Variants in ARNT2 observed in about 807,000 individuals in gnomAD.
ARNT2 encodes the protein aryl hydrocarbon receptor nuclear translocator 2, also known as ARNT protein 2.
A neutral mutation model predicts 91.7 loss-of-function variants in ARNT2; 36 were observed. The observed-to-expected ratio is 0.39, with a 90% confidence interval of 0.30 to 0.52. The LOEUF (loss-of-function observed/expected upper bound fraction) is 0.52. Ranked by LOEUF, ARNT2 falls within the 20% of genes least tolerant of loss-of-function variation. ARNT2 has a pLI of 0.72. For missense variants in ARNT2, 775 were observed against 939.3 expected (o/e 0.83, Z 2.29); for synonymous variants, 365 against 347.1 (o/e 1.05, Z -0.57).
chr15:80,446,177 G>A (rs973256987), intron 1 of ARNT2, among the ~76,000 whole-genome samples: 4 of 152,006 alleles, frequency 2.6e-5, no homozygotes, highest in African/African-American at 9.7e-5. Flanking sequence ...TTTGCTCAAG[G>A]GTTATATAAA....
chr15:80,555,201 G>C, intron 11 of ARNT2, 62 bp downstream of exon 11: 1 of 1,560,156 alleles, frequency 6.4e-7, no homozygotes, highest in Non-Finnish European at 8.8e-7. Context: ...GGATGTGGCT[G>C]GCAGGACATT....
chr15:80,587,048 A>T (rs1405024324), intron 17 of ARNT2, among the ~76,000 whole-genome samples: 1 of 152,156 alleles, frequency 6.6e-6, no homozygotes, highest in East Asian at 1.9e-4. Flanking sequence ...TTACCAGTGA[A>T]TTATGGGGAA....
Position 80,575,119 on chromosome 15 carries a change from C to T in ARNT2, c.1513+9C>T. On this transcript the variant is annotated intron_variant, in intron 14 of 18. Coordinates refer to ENST00000303329, the MANE Select transcript of ARNT2 (RefSeq NM_014862.4). ...TGCAGGAATTAGTGCATGTAAGTTTCCAAATGGTACTGAGGTTTTGAGAGT... is the reference window on the plus strand; with the variant it reads ...TGCAGGAATTAGTGCATGTAAGTTTTCAAATGGTACTGAGGTTTTGAGAGT... The T allele has an allele frequency of 6.2e-7, 1 of 1,613,896 alleles. No individual in the cohort carries two copies. The highest frequency in any genetic ancestry group is 1.1e-5 in the South Asian group (1 of 91,044).
In ARNT2 at chr15:80,563,348, G is replaced by A. The variant is rs1416331155; in HGVS notation, c.1316+109G>A. The A allele has an allele frequency of 3.6e-6, 5 of 1,387,414 alleles. No individual in the cohort carries two copies. The East Asian group carries it at 9.2e-5, about 25-fold the overall frequency. 85.9% of individuals were successfully genotyped at this position (1,387,414 alleles called of 1,614,324 possible). On this transcript the variant is annotated intron_variant, in intron 12 of 18. Coordinates refer to ENST00000303329, the MANE Select transcript of ARNT2 (RefSeq NM_014862.4). ...CTCCCTGCCGGCTCTCCCTGCAGCT[G>A]GAAATCCCTGTAGGATTAAGAATAG...
chr15:80,431,011 A>T (rs1480695381), intron 1 of ARNT2, among the ~76,000 whole-genome samples: 1 of 152,062 alleles, frequency 6.6e-6, no homozygotes, highest in Non-Finnish European at 1.5e-5. Context: ...ACCAGCTGTC[A>T]GTCTGCCTAT....
chr15:80,413,261 C>T (rs1033748502), intron 1 of ARNT2, among the ~76,000 whole-genome samples: 2 of 152,220 alleles, frequency 1.3e-5, no homozygotes, highest in Non-Finnish European at 2.9e-5. Context: ...TCCACCCCCT[C>T]CCTTACCAAT....
rs1896779928 is a variant in ARNT2, at chr15:80,475,007, T to C, written c.409-3T>C. 8 of 1,614,006 alleles carry C rather than the reference T, an allele frequency of 5.0e-6. No homozygotes were observed. The highest frequency in any genetic ancestry group is 2.2e-5 in the East Asian group (1 of 44,884). ...TGTGCCAATCATAATCTTTTCTTTA[T>C]AGGAACTGAAGCATCTCATCCTTGA... is the stretch of plus-strand genomic sequence containing the variant. On this transcript the variant is annotated splice_polypyrimidine_tract_variant and splice_region_variant and intron_variant, in intron 4 of 18. Transcript: ENST00000303329.
At chr15:80,526,249 G>A (rs1172245825) in intron 8 of ARNT2, among the ~76,000 whole-genome samples, 2 of 152,198 alleles carry the variant, frequency 1.3e-5, no homozygotes, top group African/African-American at 4.8e-5. Flanking sequence ...GAGTTCTAAA[G>A]TCAATCAGCT....
intron 2 of ARNT2, among the ~76,000 whole-genome samples, chr15:80,453,630 C>T (rs1359731703): frequency 1.3e-5 from 2 of 152,234 alleles, no homozygotes; most frequent in Admixed American, 6.5e-5. Context: ...ATGGAAGTCA[C>T]TCACTCTCAT....
rs1020445130 is a variant in ARNT2 at position 80,595,927 on chromosome 15, T to A, written c.*2229T>A. 2 of 152,252 alleles carry A rather than the reference T, an allele frequency of 1.3e-5. No individual in the cohort carries two copies. The highest frequency in any genetic ancestry group is 4.8e-5 in the African/African-American group (2 of 41,466). 9.4% of individuals were successfully genotyped at this position (152,252 alleles called of 1,614,324 possible). A position where few individuals can be genotyped will look rare whatever the true frequency, so the allele number is the denominator to read the frequency against. On this transcript the variant is annotated 3_prime_UTR_variant, in exon 19 of 19. Coordinates refer to ENST00000303329, the MANE Select transcript of ARNT2 (RefSeq NM_014862.4). ...AAATAGGTTTTGGATCAAAGAAGTG[T>A]TTCTCAGTGAAATGAAAACAGTCTT...
chr15:80,449,732 G>A (rs1388519880), intron 1 of ARNT2, among the ~76,000 whole-genome samples: 3 of 152,258 alleles, frequency 2.0e-5, no homozygotes, highest in East Asian at 1.9e-4. Context: ...GTTTTGGGGC[G>A]TAACTGTGGG....
chr15:80,450,579 C>G (rs1212005021), intron 1 of ARNT2, among the ~76,000 whole-genome samples: 1 of 152,240 alleles, frequency 6.6e-6, no homozygotes. Context: ...TCCAGGTGGT[C>G]AGGAGACAGG....
rs554651599 is a variant in ARNT2 at position 80,436,815 on chromosome 15, T to C, written c.32-14065T>C. 3.3e-5 allele frequency among the ~76,000 whole-genome samples: 5 copies of C among 152,354 alleles called. No individual in the cohort carries two copies. The South Asian group carries it at 1.0e-3, about 32-fold the overall frequency. ...CTCCTTCAAAGGTGTGGGTTTTGCA[T>C]AATTGAGAAGGCCAGGGTATCTGTG... On this transcript the variant is annotated intron_variant, in intron 1 of 18. Transcript: ENST00000303329.
intron 8 of ARNT2, among the ~76,000 whole-genome samples, chr15:80,535,868 T>A (rs1897814990): frequency 6.6e-6 from 1 of 152,240 alleles, no homozygotes; most frequent in African/African-American, 2.4e-5. Context: ...GTGAAGCTTT[T>A]CAGCCCATGT....
In ARNT2 at chr15:80,425,555, ATTTGT is replaced by A. The variant is rs924820841; in HGVS notation, c.31+21028_31+21032del. Among the ~76,000 whole-genome samples the A allele has an allele frequency of 2.6e-4, 40 of 152,114 alleles. 1 individual carries two copies. Among genetic ancestry groups the A allele is most frequent in the Admixed American group, 7.9e-4 (12 of 15,278 alleles). ...GTAAATATTACAATCTTTTTTGATC[ATTTGT>A]TTTGTTTTGTTTTGTTTTTATTTTT... is the stretch of plus-strand genomic sequence containing the variant. On this transcript the variant is annotated intron_variant, in intron 1 of 18. Coordinates refer to ENST00000303329, the MANE Select transcript of ARNT2 (RefSeq NM_014862.4).
At chr15:80,581,605 T>C (rs1314765894) in intron 17 of ARNT2, among the ~76,000 whole-genome samples, 3 of 152,192 alleles carry the variant, frequency 2.0e-5, no homozygotes, top group East Asian at 3.9e-4. Context: ...GGCTTTGTGA[T>C]TTGACTTTAT....
intron 8 of ARNT2, among the ~76,000 whole-genome samples, chr15:80,546,033 T>G (rs1897984321): frequency 6.6e-6 from 1 of 152,224 alleles, no homozygotes; most frequent in Non-Finnish European, 1.5e-5. Flanking sequence ...TCTAATTAAG[T>G]GACAGATGTT....
chr15:80,404,422 C>T lies in ARNT2; in HGVS notation c.-94C>T. ...CGTCCTTTGTGTGGCGGCGGCGGCGCCTGGGCCTGACCGGGTCCCCGGGGC... is the reference window on the plus strand; with the variant it reads ...CGTCCTTTGTGTGGCGGCGGCGGCGTCTGGGCCTGACCGGGTCCCCGGGGC... On this transcript the variant is annotated 5_prime_UTR_variant, in exon 1 of 19. Transcript: ENST00000303329. This position sits in a 1 kb window ranked among gnomAD's most constrained non-coding sequence, Gnocchi z 5.5. 2.4e-6 allele frequency: 2 copies of T among 844,946 alleles called. No homozygotes were observed. Among genetic ancestry groups the T allele is most frequent in the Non-Finnish European group, 2.9e-6 (2 of 684,674 alleles). 52.3% of individuals were successfully genotyped at this position (844,946 alleles called of 1,614,324 possible).
chr15:80,500,722 A>G (rs182116656), intron 5 of ARNT2, among the ~76,000 whole-genome samples: 63 of 152,334 alleles, frequency 4.1e-4, no homozygotes, highest in African/African-American at 1.5e-3. Context: ...CATTTTTGTG[A>G]AGGGACACAC....
Sources: gnomAD v4.1 joint callset for allele counts (sites outside exome capture counted in the v4.1 genomes callset) on GRCh38, gnomAD v4.1.1 for gene constraint, Gnocchi (gnomAD v3.1) non-coding constraint, MANE v1.5 for transcripts, NCBI Gene and HGNC (gene_info 2026-07-23, HGNC 2026-07-21) for gene names.